Variants in LIG1 observed in about 807,000 individuals in gnomAD.
The protein encoded by LIG1 is ligase I, DNA, ATP-dependent.
Under a neutral mutation model 115.7 loss-of-function variants are expected in LIG1, and 70 were observed. The observed-to-expected ratio is 0.60, with a 90% CI of 0.50 to 0.74. The LOEUF (loss-of-function observed/expected upper bound fraction) is 0.74. Among genes scored for constraint, LIG1 ranks in the 30% least tolerant of loss-of-function variants. LIG1 has a pLI of 0.00. For missense variants in LIG1, 1,115 were observed against 1,225.6 expected, an observed-to-expected ratio of 0.91 and a Z score of 1.35; for synonymous variants, 487 against 495.3, an observed-to-expected ratio of 0.98 and a Z score of 0.22.
In LIG1 at chr19:48,161,435, C is replaced by T. The variant is rs756529393; in HGVS notation, c.180G>A (p.Ala60=). Residue 60 remains alanine, a synonymous_variant, in exon 4 of 28, where the codon GCG becomes GCA. Transcript: ENST00000263274. ...DSPVKRPGRK[A]ARVLGSEGEE... Reference sequence around the variant, plus strand: ...CCCCTTCGCTGCCCAGGACCCGGGCCGCCTTCCTCCCTGGCCTCTTCACCG... The same window carrying T: ...CCCCTTCGCTGCCCAGGACCCGGGCTGCCTTCCTCCCTGGCCTCTTCACCG... 17 of 1,614,036 alleles carry T rather than the reference C, an allele frequency of 1.1e-5. No homozygotes were observed. In the Admixed American group the frequency reaches 1.7e-4, roughly 16 times the overall value.
intron 14 of LIG1, 113 bp from the exon 15 acceptor site, chr19:48,136,238 A>G (rs2034382968): frequency 1.3e-6 from 1 of 757,220 alleles, no homozygotes; most frequent in African/African-American, 1.7e-5. Flanking sequence ...CTCAAAAACC[A>G]GAAGAATCTT....
At chr19:48,151,087 T>G (rs1599841875) in intron 7 of LIG1, 145 bp downstream of exon 7, 1 of 578,916 alleles carries the variant, frequency 1.7e-6, no homozygotes. Context: ...AAAACCCGAG[T>G]AATAAAAACT....
chr19:48,142,523 T>C (rs1276193146), intron 11 of LIG1, among the ~76,000 whole-genome samples: 12 of 150,508 alleles, frequency 8.0e-5, no homozygotes, highest in Admixed American at 6.6e-4. Context: ...GCATGTGCCA[T>C]GTGAGAACGA....
intron 24 of LIG1, chr19:48,120,174 A>G: frequency 1.0e-6 from 1 of 985,396 alleles, no homozygotes; most frequent in Non-Finnish European, 1.2e-6. Context: ...TACCCATCAG[A>G]ACAAAGCCGG....
intron 11 of LIG1, among the ~76,000 whole-genome samples, chr19:48,142,814 TGTGTTTTTA>T (rs1370040571): frequency 6.6e-6 from 1 of 152,098 alleles, no homozygotes; most frequent in African/African-American, 2.4e-5. Context: ...GGGCTAATTT[TGTGTTTTTA>T]GTAGAGATGG....
chr19:48,160,867 G>A (rs964351255), intron 4 of LIG1, among the ~76,000 whole-genome samples: 1 of 151,940 alleles, frequency 6.6e-6, no homozygotes, highest in Non-Finnish European at 1.5e-5. Context: ...CAAGGAGATA[G>A]CACCACAGGC....
At chr19:48,163,313 C>A (rs1207312262) in intron 2 of LIG1, among the ~76,000 whole-genome samples, 2 of 152,078 alleles carry the variant, frequency 1.3e-5, no homozygotes, top group East Asian at 3.9e-4. Context: ...CCTCGGCCTC[C>A]CAGTTTCAAG....
intron 5 of LIG1, chr19:48,154,297 G>T: frequency 2.8e-6 from 1 of 360,836 alleles, no homozygotes; most frequent in Non-Finnish European, 5.4e-6. Context: ...GCTCCCCTCA[G>T]ATCTTAACTG....
chr19:48,161,618 A>G (rs1419859447), intron 3 of LIG1, 111 bp from the exon 4 acceptor site: 1 of 1,294,578 alleles, frequency 7.7e-7, no homozygotes, highest in Non-Finnish European at 1.1e-6. Context: ...CCTTTCAAGC[A>G]TCCAATGAAC....
intron 21 of LIG1, 197 bp from the exon 22 acceptor site, chr19:48,123,515 C>A (rs368993529): frequency 3.1e-6 from 2 of 639,332 alleles, no homozygotes; most frequent in Admixed American, 2.6e-5. Flanking sequence ...GGCAAGAGGG[C>A]CCGACACCAT....
At chr19:48,121,378 A>C (rs1003102752) in intron 23 of LIG1, 56 bp from the exon 24 acceptor site, 10 of 1,488,230 alleles carry the variant, frequency 6.7e-6, no homozygotes, top group Non-Finnish European at 7.2e-6. Flanking sequence ...CGGGGCCCTC[A>C]CTGCTGGGGA....
At chr19:48,119,529 CTTTTTT>C (rs71334267) in intron 24 of LIG1, among the ~76,000 whole-genome samples, 893 of 67,946 alleles carry the variant, frequency 0.013, 8 homozygotes, top group African/African-American at 0.057. Context: ...CACTTCCAGT[CTTTTTT>C]TTTTTTTTTT....
chr19:48,162,964 G>A (rs186830231), intron 2 of LIG1, among the ~76,000 whole-genome samples: 1 of 151,902 alleles, frequency 6.6e-6, no homozygotes, highest in Admixed American at 6.6e-5. Context: ...GCCCAGGCTA[G>A]AGTGCAATGG....
At chr19:48,135,304 G>A (rs1314237000) in intron 16 of LIG1, among the ~76,000 whole-genome samples, 1 of 152,134 alleles carries the variant, frequency 6.6e-6, no homozygotes, top group African/African-American at 2.4e-5. Context: ...TGTATTTTTA[G>A]TAGAGACAGG....
intron 7 of LIG1, 152 bp downstream of exon 7, chr19:48,151,080 A>C (rs933953488): frequency 2.8e-5 from 16 of 581,398 alleles, no homozygotes; most frequent in African/African-American, 1.3e-4. Flanking sequence ...AAAAAAAAAA[A>C]CCCGAGTAAT....
Position 48,152,390 on chromosome 19 carries a change from T to C in LIG1, c.467-1051A>G, listed in dbSNP as rs374634027. ...CACCCGCTTCGGCCTCCCAAACTGC[T>C]GGGAGTACAGGCGTGAGCCACTGCA... On this transcript the variant is annotated intron_variant, in intron 6 of 27. Transcript: ENST00000263274. Among the ~76,000 whole-genome samples the C allele has an allele frequency of 3.3e-5, 5 of 152,340 alleles. No individual in the cohort carries two copies. The East Asian group carries it at 9.6e-4, about 29-fold the overall frequency.
chr19:48,136,721 T>C (rs2034413374), intron 14 of LIG1, among the ~76,000 whole-genome samples: 1 of 152,214 alleles, frequency 6.6e-6, no homozygotes. Context: ...GGCTTCCTGC[T>C]GCAGGGCCCG....
Position 48,153,966 on chromosome 19 carries a change from A to G in LIG1, c.372T>C (p.Ala124=). ...SPSGIPKRRT[A]RKQLPKRTIQ... Reference sequence around the variant, plus strand: ...TGGTCCGTTTCGGGAGCTGCTTCCGAGCTGGGGAGGCAAAGGGCTTGGTGT... The same window carrying G: ...TGGTCCGTTTCGGGAGCTGCTTCCGGGCTGGGGAGGCAAAGGGCTTGGTGT... The change falls in exon 6 of 28, where the codon GCT becomes GCC. Residue 124 remains alanine, a splice_region_variant and synonymous_variant. Transcript: ENST00000263274. The G allele has an allele frequency of 1.2e-6, 2 of 1,613,540 alleles. No homozygotes were observed. Among genetic ancestry groups the G allele is most frequent in the Non-Finnish European group, 1.7e-6 (2 of 1,179,770 alleles).
intron 4 of LIG1, among the ~76,000 whole-genome samples, chr19:48,160,083 C>T (rs1599872963): frequency 1.3e-5 from 2 of 152,298 alleles, no homozygotes; most frequent in South Asian, 2.1e-4. Flanking sequence ...GGATTCTCCC[C>T]CAGAGCCCCC....
Sources: allele counts gnomAD v4.1 joint callset (sites outside exome capture counted in the v4.1 genomes callset), GRCh38; gene constraint gnomAD v4.1.1; transcripts MANE v1.5; gene names NCBI Gene and HGNC (gene_info 2026-07-23, HGNC 2026-07-21).